DIP2B: variants seen among roughly 807,000 people sequenced by gnomAD.
DIP2B encodes the protein DIP2 acetate--CoA ligase B (putative).
Under a neutral mutation model 198.0 loss-of-function variants are expected in DIP2B, and 76 were observed. The observed-to-expected ratio is 0.38, with a 90% CI of 0.32 to 0.46. DIP2B has a LOEUF of 0.46. Ranked by LOEUF, DIP2B falls within the 20% of genes least tolerant of loss-of-function variation. The pLI is 0.99. For missense variants in DIP2B, 1,559 were observed against 1,978.4 expected (o/e 0.79, Z 4.02); for synonymous variants, 701 against 739.1 (o/e 0.95, Z 0.84).
intron 1 of DIP2B, among the ~76,000 whole-genome samples, chr12:50,520,816 T>C (rs1958110557): frequency 6.6e-6 from 1 of 152,226 alleles, no homozygotes; most frequent in Admixed American, 6.5e-5. Context: ...TGAATGAATC[T>C]AGATTCTGCC....
At position 50,747,886 on chromosome 12, in the gene DIP2B, C is replaced by T. The variant is rs1229275078; in HGVS notation, c.*3047C>T. The T allele has an allele frequency of 2.0e-5, 3 of 152,550 alleles. No homozygotes were observed. Among genetic ancestry groups the T allele is most frequent in the Non-Finnish European group, 4.4e-5 (3 of 68,020 alleles). The allele number at this position is 152,550 out of a possible 1,614,324, so 9.4% of individuals were successfully genotyped here. Reference sequence around the variant, plus strand: ...TAGATCCTAGGAATTCAGTGAGACCCTGGGAAGGACCAGCATGCTAATCAG... The same window carrying T: ...TAGATCCTAGGAATTCAGTGAGACCTTGGGAAGGACCAGCATGCTAATCAG... On this transcript the variant is annotated 3_prime_UTR_variant, in exon 38 of 38. Transcript: ENST00000301180.
At chr12:50,743,220 C>T (rs960855173) in intron 37 of DIP2B, among the ~76,000 whole-genome samples, 15 of 152,058 alleles carry the variant, frequency 9.9e-5, no homozygotes, top group African/African-American at 3.4e-4. Flanking sequence ...GTAGCTGGGA[C>T]TACAGGCACA....
intron 1 of DIP2B, among the ~76,000 whole-genome samples, chr12:50,555,334 A>G (rs1460288075): frequency 6.6e-6 from 1 of 152,110 alleles, no homozygotes; most frequent in Non-Finnish European, 1.5e-5. Context: ...TTCATAGTGT[A>G]AGTCTCTTCA....
intron 1 of DIP2B, among the ~76,000 whole-genome samples, chr12:50,544,641 T>G (rs34555292): frequency 0.3 from 39,164 of 132,492 alleles, 5,603 homozygotes; most frequent in East Asian, 0.41. Flanking sequence ...TTTTTTTTTT[T>G]GAGACGGAGT....
At chr12:50,699,500 A>C (rs781515489) in intron 19 of DIP2B, among the ~76,000 whole-genome samples, 1 of 152,214 alleles carries the variant, frequency 6.6e-6, no homozygotes, top group East Asian at 1.9e-4. Context: ...TAGAAAGAGC[A>C]TCTGGCATAT....
intron 1 of DIP2B, among the ~76,000 whole-genome samples, chr12:50,541,870 C>T (rs974515168): frequency 6.6e-6 from 1 of 151,930 alleles, no homozygotes; most frequent in African/African-American, 2.4e-5. Flanking sequence ...GACGTGATGG[C>T]GTATGCCTGT....
At chr12:50,605,452 A>G (rs1958973384) in intron 1 of DIP2B, among the ~76,000 whole-genome samples, 1 of 152,138 alleles carries the variant, frequency 6.6e-6, no homozygotes, top group South Asian at 2.1e-4. Context: ...TAGTCCCGCT[A>G]CTGGGGAGGC....
intron 19 of DIP2B, among the ~76,000 whole-genome samples, chr12:50,702,514 A>G (rs1340524475): frequency 1.3e-5 from 2 of 151,958 alleles, no homozygotes; most frequent in African/African-American, 4.8e-5. Context: ...GTGAGTCGAG[A>G]TTGTGCCATT....
chr12:50,716,740 A>G (rs916280685), intron 23 of DIP2B, among the ~76,000 whole-genome samples: 1 of 152,192 alleles, frequency 6.6e-6, no homozygotes, highest in Non-Finnish European at 1.5e-5. Flanking sequence ...GCATCAGCCT[A>G]TTTAAAACCT....
At chr12:50,536,098 T>C (rs893820458) in intron 1 of DIP2B, among the ~76,000 whole-genome samples, 4 of 151,878 alleles carry the variant, frequency 2.6e-5, no homozygotes, top group Non-Finnish European at 5.9e-5. Flanking sequence ...CAGTCTATCA[T>C]TGTTGGACAT....
chr12:50,661,536 T>G (rs1278201503), intron 4 of DIP2B, among the ~76,000 whole-genome samples: 1 of 152,240 alleles, frequency 6.6e-6, no homozygotes, highest in Non-Finnish European at 1.5e-5. Flanking sequence ...AATAGCTCTG[T>G]GGCTTCAAGT....
Position 50,697,892 on chromosome 12 carries a change from C to T in DIP2B, c.2049-436C>T, listed in dbSNP as rs141551548. 3.3e-5 allele frequency among the ~76,000 whole-genome samples: 5 copies of T among 151,968 alleles called. No homozygotes were observed. The East Asian group carries it at 9.7e-4, about 29-fold the overall frequency. On this transcript the variant is annotated intron_variant, in intron 17 of 37. Coordinates refer to ENST00000301180, the MANE Select transcript of DIP2B (RefSeq NM_173602.3). ...TTTGCTGGTTTATGTGTTTACTACA[C>T]TACATTTTTTTTAAATTTAATTTTT...
rs1274693352 is a variant in DIP2B, at chr12:50,690,311, C to T, written c.1552-738C>T. On this transcript the variant is annotated intron_variant, in intron 12 of 37. Coordinates refer to ENST00000301180, the MANE Select transcript of DIP2B (RefSeq NM_173602.3). ...CCACATTAGCCAGGGTGGTCTCGAT[C>T]TCCTGACCTTGTGATCCGCCCACCT... Among the ~76,000 whole-genome samples, 4 of 152,312 alleles carry T rather than the reference C, an allele frequency of 2.6e-5. No homozygotes were observed. The South Asian group carries it at 8.3e-4, about 32-fold the overall frequency.
At chr12:50,682,957 G>A (rs1320334584) in intron 9 of DIP2B, among the ~76,000 whole-genome samples, 181 bp from the exon 10 acceptor site, 1 of 152,216 alleles carries the variant, frequency 6.6e-6, no homozygotes, top group Non-Finnish European at 1.5e-5. Flanking sequence ...TCGTGGGCAT[G>A]TCGGAGATCT....
chr12:50,701,635 C>T (rs1473909144), intron 19 of DIP2B, among the ~76,000 whole-genome samples: 10 of 151,472 alleles, frequency 6.6e-5, no homozygotes, highest in South Asian at 2.1e-4. Flanking sequence ...CCACCCTCCT[C>T]GGCGTCCCAA....
At chr12:50,561,509 C>T (rs1019877266) in intron 1 of DIP2B, among the ~76,000 whole-genome samples, 45 of 152,116 alleles carry the variant, frequency 3.0e-4, no homozygotes, top group African/African-American at 1.0e-3. Flanking sequence ...GTTAAAGTAG[C>T]ACATCCATAA....
intron 1 of DIP2B, among the ~76,000 whole-genome samples, chr12:50,603,824 G>A (rs1345561961): frequency 6.6e-6 from 1 of 152,122 alleles, no homozygotes; most frequent in Admixed American, 6.5e-5. Flanking sequence ...AAGATTATTG[G>A]TTGTCTTTCA....
At chr12:50,532,207 T>C (rs1958224509) in intron 1 of DIP2B, among the ~76,000 whole-genome samples, 1 of 152,150 alleles carries the variant, frequency 6.6e-6, no homozygotes, top group Non-Finnish European at 1.5e-5. Flanking sequence ...CTTATGAGTA[T>C]TCTCTGAGTT....
chr12:50,696,596 A>T (rs1038020344), intron 16 of DIP2B, among the ~76,000 whole-genome samples: 1 of 152,170 alleles, frequency 6.6e-6, no homozygotes, highest in African/African-American at 2.4e-5. Context: ...AGAGCACTAC[A>T]CTGTTTGTCA....
Sources: allele counts gnomAD v4.1 joint callset (sites outside exome capture counted in the v4.1 genomes callset), GRCh38; gene constraint gnomAD v4.1.1; transcripts MANE v1.5; gene names NCBI Gene and HGNC (gene_info 2026-07-23, HGNC 2026-07-21).